LSM1: variants seen among roughly 807,000 people sequenced by gnomAD.
The protein encoded by LSM1 is LSM1 homolog, mRNA degradation associated.
LSM1 carries 13 observed loss-of-function variants against 18.0 expected under a neutral mutation model. The observed-to-expected ratio is 0.72, with a 90% CI of 0.47 to 1.15. The LOEUF is 1.15. Ranked by LOEUF, LSM1 falls within the 50% of genes most tolerant of loss-of-function variation. The probability of loss-of-function intolerance (pLI) is 0.00; values close to 1 mark genes in which losing one functional copy is unlikely to be tolerated. For synonymous variants in LSM1, 46 were observed against 56.0 expected, an observed-to-expected ratio of 0.82 and a Z score of 0.80; for missense variants, 152 against 157.7, an observed-to-expected ratio of 0.96 and a Z score of 0.19.
chr8:38,174,352 AACAG>A (rs1021887611), intron 1 of LSM1, among the ~76,000 whole-genome samples: 17 of 152,188 alleles, frequency 1.1e-4, no homozygotes, highest in African/African-American at 4.1e-4. Context: ...AGACAGTAAC[AACAG>A]ACAGACAAAA....
At chr8:38,166,356 G>A (rs1802929696) in intron 3 of LSM1, among the ~76,000 whole-genome samples, 2 of 152,304 alleles carry the variant, frequency 1.3e-5, no homozygotes, top group South Asian at 4.1e-4. Flanking sequence ...CTGGCCTCAA[G>A]CATCCTCTTG....
intron 2 of LSM1, chr8:38,170,853 C>A: frequency 4.8e-6 from 1 of 208,058 alleles, no homozygotes; most frequent in Non-Finnish European, 1.0e-5. Flanking sequence ...AATTATTTTT[C>A]CTCTTTCAAT....
intron 1 of LSM1, 147 bp from the exon 2 acceptor site, chr8:38,172,180 G>C (rs548110565): frequency 6.9e-6 from 4 of 581,294 alleles, no homozygotes; most frequent in South Asian, 4.1e-5. Flanking sequence ...GAAAAAAGCA[G>C]CACAGCAACG....
Position 38,163,437 on chromosome 8 carries a change from C to T in LSM1, c.*233G>A. The T allele has an allele frequency of 4.9e-6, 2 of 407,412 alleles. No homozygotes were observed. Among genetic ancestry groups the T allele is most frequent in the South Asian group, 5.8e-5 (1 of 17,362 alleles). The allele number at this position is 407,412 out of a possible 1,614,324, so 25.2% of individuals were successfully genotyped here. ...AATATAAAGAAGTAGTTGCTGGTGC[C>T]ACAGTGATGTGTGAAGGAGTCTATG... On this transcript the variant is annotated 3_prime_UTR_variant, in exon 4 of 4. Coordinates refer to ENST00000311351, the MANE Select transcript of LSM1 (RefSeq NM_014462.3).
At chr8:38,171,261 A>G (rs548936355) in intron 2 of LSM1, among the ~76,000 whole-genome samples, 41 of 152,328 alleles carry the variant, frequency 2.7e-4, no homozygotes, top group Non-Finnish European at 2.8e-4. Context: ...GGCCGGGCAC[A>G]ATGGCTCGCG....
At chr8:38,176,031 T>C (rs1236252133) in intron 1 of LSM1, 2 of 422,374 alleles carry the variant, frequency 4.7e-6, no homozygotes, top group Non-Finnish European at 8.5e-6. Context: ...ATGAGTTCCA[T>C]CGCTTGGGGC....
chr8:38,176,589 G>A (rs544250244), upstream of LSM1: 4 of 567,020 alleles, frequency 7.1e-6, no homozygotes, highest in South Asian at 7.5e-5. Flanking sequence ...CTGTTAAGTA[G>A]GTAAGAGGAA....
intron 1 of LSM1, among the ~76,000 whole-genome samples, chr8:38,174,897 G>A (rs1803094036): frequency 2.0e-5 from 3 of 151,276 alleles, no homozygotes; most frequent in African/African-American, 4.9e-5. Context: ...GCTGGCAGGC[G>A]CCTGTAATCC....
chr8:38,163,571 C>T lies in LSM1; in HGVS notation c.*99G>A. ...TAAAAATAAAAGTGACTTTTCAAAACTCTACAGTCTGTGATCAAATGCGTG... is the reference window on the plus strand; with the variant it reads ...TAAAAATAAAAGTGACTTTTCAAAATTCTACAGTCTGTGATCAAATGCGTG... On this transcript the variant is annotated 3_prime_UTR_variant, in exon 4 of 4. Coordinates refer to ENST00000311351, the MANE Select transcript of LSM1 (RefSeq NM_014462.3). 1 of 1,063,286 alleles carries T rather than the reference C, an allele frequency of 9.4e-7. No homozygotes were observed. The highest frequency in any genetic ancestry group is 1.7e-5 in the South Asian group (1 of 60,334). 65.9% of individuals were successfully genotyped at this position (1,063,286 alleles called of 1,614,324 possible).
intron 3 of LSM1, among the ~76,000 whole-genome samples, chr8:38,169,445 C>T (rs985078541): frequency 2.6e-5 from 4 of 152,166 alleles, no homozygotes; most frequent in African/African-American, 4.8e-5. Flanking sequence ...TTGTACTGTA[C>T]AGGCAATATG....
Position 38,176,448 on chromosome 8 carries a change from G to C in LSM1, c.-128C>G, listed in dbSNP as rs539578368. The C allele has an allele frequency of 4.1e-6, 3 of 735,030 alleles. No homozygotes were observed. Among genetic ancestry groups the C allele is most frequent in the African/African-American group, 3.5e-5 (2 of 57,124 alleles). The allele number at this position is 735,030 out of a possible 1,614,324, so 45.5% of individuals were successfully genotyped here. On this transcript the variant is annotated 5_prime_UTR_variant, in exon 1 of 4. Coordinates refer to ENST00000311351, the MANE Select transcript of LSM1 (RefSeq NM_014462.3). ...AATCCCGACCGAGACCAGCACTTCTGCCCCGGCTTTCAGCCGCCGGGGGCT... is the reference window on the plus strand; with the variant it reads ...AATCCCGACCGAGACCAGCACTTCTCCCCCGGCTTTCAGCCGCCGGGGGCT...
chr8:38,175,942 T>G (rs1194696482), intron 1 of LSM1: 6 of 267,924 alleles, frequency 2.2e-5, no homozygotes, highest in African/African-American at 2.3e-5. Context: ...CAGGCAGGAG[T>G]GGACGGGGGA....
intron 1 of LSM1, among the ~76,000 whole-genome samples, chr8:38,173,826 C>A (rs1803070008): frequency 6.6e-6 from 1 of 151,992 alleles, no homozygotes; most frequent in African/African-American, 2.4e-5. Flanking sequence ...GATAAATCTA[C>A]AAAGAGGTGA....
At chr8:38,168,196 T>C (rs1328495861) in intron 3 of LSM1, among the ~76,000 whole-genome samples, 2 of 151,134 alleles carry the variant, frequency 1.3e-5, no homozygotes, top group Non-Finnish European at 3.0e-5. Context: ...CTCCTGACCT[T>C]GTGATCCGCC....
rs759101177 is a variant in LSM1, at chr8:38,163,625, T to C, written c.*45A>G. The stretch of plus-strand genomic sequence containing the variant: ...TGGCCAGGATGTCACTTTCACTCAG[T>C]GACAGCCCCTACTCTTCAAGAGCCA... On this transcript the variant is annotated 3_prime_UTR_variant, in exon 4 of 4. Coordinates refer to ENST00000311351, the MANE Select transcript of LSM1 (RefSeq NM_014462.3). The C allele has an allele frequency of 3.2e-6, 5 of 1,579,346 alleles. No homozygotes were observed. The highest frequency in any genetic ancestry group is 4.3e-6 in the Non-Finnish European group (5 of 1,151,094).
At chr8:38,176,662 C>T, upstream of LSM1, 2 of 594,222 alleles carry the variant, frequency 3.4e-6, no homozygotes, top group East Asian at 3.1e-5. Flanking sequence ...TGTCTTCCTT[C>T]GTCTCCGGGT....
At chr8:38,171,083 C>G (rs1803020243) in intron 2 of LSM1, 1 of 381,386 alleles carries the variant, frequency 2.6e-6, no homozygotes, top group African/African-American at 2.1e-5. Flanking sequence ...ACAGAGGCCT[C>G]TTATTCCAAT....
chr8:38,176,471 G>C lies in LSM1; in HGVS notation c.-151C>G, dbSNP rs2270376. 147,293 of 635,228 alleles carry C rather than the reference G, an allele frequency of 0.23. 17,740 individuals are homozygous for C. The highest frequency in any genetic ancestry group is 0.31 in the East Asian group (11,339 of 36,276). The allele number at this position is 635,228 out of a possible 1,614,324, so 39.3% of individuals were successfully genotyped here. A position where few individuals can be genotyped will look rare whatever the true frequency, so the allele number is the denominator to read the frequency against. ...CTGCCCCGGCTTTCAGCCGCCGGGGGCTGCCGGAAGCTCCTCCATATTACC... is the reference window on the plus strand; with the variant it reads ...CTGCCCCGGCTTTCAGCCGCCGGGGCCTGCCGGAAGCTCCTCCATATTACC... On this transcript the variant is annotated 5_prime_UTR_variant, in exon 1 of 4. Coordinates refer to ENST00000311351, the MANE Select transcript of LSM1 (RefSeq NM_014462.3).
chr8:38,176,131 G>T, intron 1 of LSM1, 144 bp downstream of exon 1: 1 of 634,530 alleles, frequency 1.6e-6, no homozygotes, highest in South Asian at 2.0e-5. Flanking sequence ...CAGCTGTGGA[G>T]GACATCGACG....
Sources: gnomAD v4.1 joint callset for allele counts (sites outside exome capture counted in the v4.1 genomes callset) on GRCh38, gnomAD v4.1.1 for gene constraint, MANE v1.5 for transcripts, NCBI Gene and HGNC (gene_info 2026-07-23, HGNC 2026-07-21) for gene names.